CC2D1A: variants seen among roughly 807,000 people sequenced by gnomAD.
CC2D1A encodes coiled-coil and C2 domain-containing protein 1A.
Under a neutral mutation model 123.8 loss-of-function variants are expected in CC2D1A, and 68 were observed. That is an observed-to-expected ratio of 0.55 (90% confidence interval 0.45 to 0.67). CC2D1A has a LOEUF of 0.67. CC2D1A is among the 30% of genes least tolerant of loss of function. CC2D1A has a pLI of 0.00. For synonymous variants in CC2D1A, 477 were observed against 528.0 expected (o/e 0.90, Z 1.32); for missense variants, 1,185 against 1,290.3 (o/e 0.92, Z 1.25).
In CC2D1A at chr19:13,918,895, C is replaced by G. The variant is rs777294523; in HGVS notation, c.1019-17C>G. 1 of 1,606,878 alleles carries G rather than the reference C, an allele frequency of 6.2e-7. No homozygotes were observed. Among genetic ancestry groups the G allele is most frequent in the Non-Finnish European group, 8.5e-7 (1 of 1,175,682 alleles). On this transcript the variant is annotated splice_polypyrimidine_tract_variant and intron_variant, in intron 9 of 28. Coordinates refer to ENST00000318003, the MANE Select transcript of CC2D1A (RefSeq NM_017721.5). ...CCCATCCGTTGACTCTTAACCTTGT[C>G]CCCCTGTCCGGCCCAGAGGTGCCCC...
intron 2 of CC2D1A, among the ~76,000 whole-genome samples, chr19:13,911,056 G>A (rs1970980614): frequency 6.6e-6 from 1 of 151,806 alleles, no homozygotes; most frequent in African/African-American, 2.4e-5. Flanking sequence ...GTATTGATCA[G>A]TTGATTAAAA....
At position 13,908,131 on chromosome 19, in the gene CC2D1A, G is replaced by A. The variant is rs1294642773; in HGVS notation, c.60+1630G>A. On this transcript the variant is annotated intron_variant, in intron 1 of 28. Coordinates refer to ENST00000318003, the MANE Select transcript of CC2D1A (RefSeq NM_017721.5). Reference sequence around the variant, plus strand: ...AGCGATTCTCCTGCCTCAGCCTCCCGAGTAGCTGGGATTACAGGCATGCGC... The same window carrying A: ...AGCGATTCTCCTGCCTCAGCCTCCCAAGTAGCTGGGATTACAGGCATGCGC... Among the ~76,000 whole-genome samples, 10 of 151,926 alleles carry A rather than the reference G, an allele frequency of 6.6e-5. No individual in the cohort carries two copies. In the East Asian group the frequency reaches 7.8e-4, roughly 12 times the overall value.
At chr19:13,925,775 C>T (rs1971569710) in intron 17 of CC2D1A, among the ~76,000 whole-genome samples, 1 of 150,596 alleles carries the variant, frequency 6.6e-6, no homozygotes, top group Middle Eastern at 3.4e-3. Flanking sequence ...TAAAAATTAT[C>T]CAGCAGTGGT....
intron 2 of CC2D1A, among the ~76,000 whole-genome samples, chr19:13,910,403 G>A (rs1259205504): frequency 1.1e-4 from 13 of 117,266 alleles, no homozygotes; most frequent in African/African-American, 3.7e-4. Flanking sequence ...GCAAGACTCC[G>A]TCTCAAAAAA....
chr19:13,918,396 AG>A (rs1186453523), intron 7 of CC2D1A, 107 bp from the exon 8 acceptor site: 2 of 1,195,320 alleles, frequency 1.7e-6, no homozygotes, highest in Non-Finnish European at 2.3e-6. Flanking sequence ...CACAAATGGA[AG>A]GGAGGGAGCT....
At chr19:13,917,466 G>T (rs1971246122) in intron 6 of CC2D1A, among the ~76,000 whole-genome samples, 1 of 152,178 alleles carries the variant, frequency 6.6e-6, no homozygotes, top group African/African-American at 2.4e-5. Context: ...ATTAAATATG[G>T]CCAGGCACGG....
rs1971078411 is a variant in CC2D1A, at chr19:13,913,397, A to G, written c.514-7A>G. ...TCTCCCAAACCAATACTCACGCCTT[A>G]TCTTAGACACTGGAAAACCTGCTCG... On this transcript the variant is annotated splice_region_variant and splice_polypyrimidine_tract_variant and intron_variant, in intron 5 of 28. Transcript: ENST00000318003. 7.4e-6 allele frequency: 12 copies of G among 1,613,652 alleles called. No homozygotes were observed. The highest frequency in any genetic ancestry group is 1.0e-5 in the Non-Finnish European group (12 of 1,179,808).
rs751927656 is a variant in CC2D1A at position 13,917,755 on chromosome 19, G to T, written c.749-315G>T. On this transcript the variant is annotated intron_variant, in intron 6 of 28. Transcript: ENST00000318003. ...GCACTTTGGGAGTCCAAGGTGGGCG[G>T]ATCACCTGAGGTCAGGACTTTGAGA... 1.3e-3 allele frequency among the ~76,000 whole-genome samples: 192 copies of T among 152,124 alleles called. 3 individuals are homozygous for T. Among genetic ancestry groups the T allele is most frequent in the Non-Finnish European group, 1.2e-4 (8 of 68,032 alleles).
At chr19:13,909,715 C>T (rs1970925714) in intron 1 of CC2D1A, 108 bp from the exon 2 acceptor site, 5 of 1,456,356 alleles carry the variant, frequency 3.4e-6, no homozygotes, top group Middle Eastern at 1.7e-4. Flanking sequence ...AATGGCTTTC[C>T]CTGGGAGACC....
chr19:13,930,168 G>C lies in CC2D1A; in HGVS notation c.2787+14G>C. ...GATGGCAGCAGGGTGAGCTGGTCGCGGGCCGGGTGGGCACTGGGCAGCGGG... is the reference window on the plus strand; with the variant it reads ...GATGGCAGCAGGGTGAGCTGGTCGCCGGCCGGGTGGGCACTGGGCAGCGGG... On this transcript the variant is annotated intron_variant, in intron 27 of 28. Transcript: ENST00000318003. The surrounding 1 kb of genome is among the most constrained non-coding windows in gnomAD (Gnocchi z 6.8). 2.5e-6 allele frequency: 4 copies of C among 1,613,316 alleles called. No individual in the cohort carries two copies. The highest frequency in any genetic ancestry group is 2.7e-5 in the African/African-American group (2 of 74,974).
chr19:13,906,446 A>G lies in CC2D1A; in HGVS notation c.5A>G (p.His2Arg). The change falls in exon 1 of 29, where the codon CAC becomes CGC. Residue 2 changes from histidine to arginine, a missense_variant. His to Arg is a conservative substitution (Grantham distance 29). Coordinates refer to ENST00000318003, the MANE Select transcript of CC2D1A (RefSeq NM_017721.5). The surrounding 1 kb of genome is among the most constrained non-coding windows in gnomAD (Gnocchi z 4.1). Reference sequence around the variant, plus strand: ...TCCGGGCATCCAGCCTTGAAGATGCACAAGAGGAAAGGACCCCCGGGACCC... The same window carrying G: ...TCCGGGCATCCAGCCTTGAAGATGCGCAAGAGGAAAGGACCCCCGGGACCC... M[H>R]KRKGPPGPPG... The G allele has an allele frequency of 1.3e-6, 2 of 1,518,698 alleles. No individual in the cohort carries two copies. Among genetic ancestry groups the G allele is most frequent in the South Asian group, 1.2e-5 (1 of 81,676 alleles). 94.1% of individuals were successfully genotyped at this position (1,518,698 alleles called of 1,614,324 possible). A position where few individuals can be genotyped will look rare whatever the true frequency, so the allele number is the denominator to read the frequency against.
At chr19:13,911,706 ATTTTTTTTTTTTTT>A (rs1055273535) in intron 2 of CC2D1A, among the ~76,000 whole-genome samples, 1 of 88,552 alleles carries the variant, frequency 1.1e-5, no homozygotes, top group South Asian at 3.5e-4. Flanking sequence ...TGCCCAGCTA[ATTTTTTTTTTTTTT>A]TTTTTTTTTT....
intron 2 of CC2D1A, 53 bp downstream of exon 2, chr19:13,910,011 C>T (rs1032608725): frequency 5.8e-5 from 85 of 1,476,768 alleles, no homozygotes; most frequent in African/African-American, 5.7e-5. Flanking sequence ...GCAAGTGGTT[C>T]GGGCGCAGAA....
intron 1 of CC2D1A, among the ~76,000 whole-genome samples, chr19:13,908,331 T>G (rs1001659469): frequency 5.3e-5 from 8 of 151,754 alleles, no homozygotes; most frequent in African/African-American, 1.9e-4. Flanking sequence ...TTTTTAGTAG[T>G]GATGGGATTT....
chr19:13,920,350 G>A, intron 12 of CC2D1A: 1 of 581,674 alleles, frequency 1.7e-6, no homozygotes, highest in South Asian at 2.2e-5. Flanking sequence ...ACTCCAGCCT[G>A]GACGATACAG....
At chr19:13,926,617 G>T in intron 18 of CC2D1A, 27 bp downstream of exon 18, 2 of 1,614,142 alleles carry the variant, frequency 1.2e-6, no homozygotes, top group Non-Finnish European at 8.5e-7. Context: ...CAAGGGTCAG[G>T]GTCATGGGGA....
At chr19:13,915,842 C>T (rs1286900066) in intron 6 of CC2D1A, among the ~76,000 whole-genome samples, 3 of 152,006 alleles carry the variant, frequency 2.0e-5, no homozygotes, top group Non-Finnish European at 4.4e-5. Flanking sequence ...AAAGAAAAAA[C>T]AGAAGAGGAT....
intron 6 of CC2D1A, among the ~76,000 whole-genome samples, chr19:13,914,522 G>T (rs972321792): frequency 6.6e-6 from 1 of 151,364 alleles, no homozygotes; most frequent in Non-Finnish European, 1.5e-5. Context: ...TTTTAGTAGA[G>T]ACGGGGTTTC....
rs1568419142 is a variant in CC2D1A, at chr19:13,926,067, C to CGTATATATATGTAT, written c.1941-450_1941-449insGTATATATATGTAT. Among the ~76,000 whole-genome samples the CGTATATATATGTAT allele has an allele frequency of 7.0e-5, 5 of 71,570 alleles. No homozygotes were observed. The African/African-American group carries it at 8.2e-4, about 12-fold the overall frequency. The allele number at this position is 71,570 out of a possible 152,430, so 47.0% of individuals were successfully genotyped here. ...ATACACGTATATATATGTATATATA[C>CGTATATATATGTAT]ACACACACACACACACACACATATA... On this transcript the variant is annotated intron_variant, in intron 17 of 28. Transcript: ENST00000318003.
Sources: allele counts gnomAD v4.1 joint callset (sites outside exome capture counted in the v4.1 genomes callset), GRCh38; gene constraint gnomAD v4.1.1; non-coding constraint Gnocchi (gnomAD v3.1); transcripts MANE v1.5; gene names NCBI Gene and HGNC (gene_info 2026-07-23, HGNC 2026-07-21).